Variants in AGPS observed in about 807,000 individuals in gnomAD.
AGPS encodes the protein alkyldihydroxyacetonephosphate synthase, peroxisomal.
AGPS carries 26 observed loss-of-function variants against 90.7 expected under a neutral mutation model. The observed-to-expected ratio is 0.29, with a 90% confidence interval of 0.21 to 0.40. The LOEUF (loss-of-function observed/expected upper bound fraction) is 0.40, where lower values mean the gene tolerates loss of function less well. Among genes scored for constraint, AGPS ranks in the 10% least tolerant of loss-of-function variants. AGPS has a pLI of 1.00. For synonymous variants in AGPS, 294 were observed against 285.3 expected (o/e 1.03, Z -0.31); for missense variants, 540 against 816.1 (o/e 0.66, Z 4.12).
intron 9 of AGPS, among the ~76,000 whole-genome samples, chr2:177,466,848 G>C (rs1480600577): frequency 2.0e-5 from 3 of 152,166 alleles, no homozygotes; most frequent in Non-Finnish European, 2.9e-5. Flanking sequence ...GAGATGCCTG[G>C]GTCTGCAGCC....
chr2:177,448,327 C>A (rs1198005206), intron 8 of AGPS, among the ~76,000 whole-genome samples: 6 of 152,074 alleles, frequency 3.9e-5, no homozygotes, highest in Admixed American at 3.9e-4. Context: ...TTGATTCATT[C>A]CACTAATTTT....
At chr2:177,399,025 T>C (rs748203035) in intron 1 of AGPS, among the ~76,000 whole-genome samples, 3 of 152,232 alleles carry the variant, frequency 2.0e-5, no homozygotes, top group Non-Finnish European at 4.4e-5. Context: ...TAGATTGCAT[T>C]TTAAGATGGA....
Position 177,415,509 on chromosome 2 carries a change from T to G in AGPS, c.261-4760T>G, listed in dbSNP as rs558278394. Among the ~76,000 whole-genome samples the G allele has an allele frequency of 1.6e-4, 25 of 152,346 alleles. No homozygotes were observed. In the South Asian group the frequency reaches 5.2e-3, roughly 32 times the overall value. ...AAGAATTATCACATTGATTAATAAC[T>G]TATTATATCACAGGGTCACATTTTT... On this transcript the variant is annotated intron_variant, in intron 1 of 19. Transcript: ENST00000264167.
chr2:177,479,068 A>G (rs780278611), intron 10 of AGPS, among the ~76,000 whole-genome samples: 2 of 152,126 alleles, frequency 1.3e-5, no homozygotes, highest in Non-Finnish European at 2.9e-5. Flanking sequence ...GAATCTCTGA[A>G]CCACGGCTCA....
At chr2:177,393,121 C>G (rs1455778433) in intron 1 of AGPS, 72 bp downstream of exon 1, 3 of 1,549,550 alleles carry the variant, frequency 1.9e-6, no homozygotes, top group Non-Finnish European at 2.6e-6. Flanking sequence ...AGGGCACAGG[C>G]GAGGTGGGAA....
chr2:177,412,411 A>G (rs1176350750), intron 1 of AGPS, among the ~76,000 whole-genome samples: 1 of 152,152 alleles, frequency 6.6e-6, no homozygotes, highest in African/African-American at 2.4e-5. Context: ...AGGAAAATTG[A>G]AAGCGCAAGC....
chr2:177,409,726 A>G (rs1404115199), intron 1 of AGPS, among the ~76,000 whole-genome samples: 3 of 152,146 alleles, frequency 2.0e-5, no homozygotes, highest in African/African-American at 7.2e-5. Flanking sequence ...ACATTGGAGC[A>G]TGGGCTAGTA....
chr2:177,412,368 G>A (rs1685645910), intron 1 of AGPS, among the ~76,000 whole-genome samples: 1 of 152,162 alleles, frequency 6.6e-6, no homozygotes, highest in African/African-American at 2.4e-5. Flanking sequence ...CGGGACGACA[G>A]CTTTCTGCCT....
chr2:177,431,547 A>G (rs968866065), intron 2 of AGPS, among the ~76,000 whole-genome samples: 1 of 152,166 alleles, frequency 6.6e-6, no homozygotes, highest in Non-Finnish European at 1.5e-5. Flanking sequence ...CCTTATCTCA[A>G]CTGCATGAGA....
At chr2:177,475,219 T>C (rs1373140600) in intron 10 of AGPS, among the ~76,000 whole-genome samples, 1 of 151,878 alleles carries the variant, frequency 6.6e-6, no homozygotes, top group Non-Finnish European at 1.5e-5. Flanking sequence ...TTGAAAAGAG[T>C]GGAAAGAATG....
chr2:177,493,211 G>A lies in AGPS; in HGVS notation c.1285+12G>A. 6.2e-7 allele frequency: 1 copy of A among 1,605,532 alleles called. No individual in the cohort carries two copies. The highest frequency in any genetic ancestry group is 8.5e-7 in the Non-Finnish European group (1 of 1,172,400). On this transcript the variant is annotated intron_variant, in intron 12 of 19. Coordinates refer to ENST00000264167, the MANE Select transcript of AGPS (RefSeq NM_003659.4). Reference sequence around the variant, plus strand: ...GCAGTTTCAGTTTGGTAAGTAAGGAGTGGTAATTTTAAAATGTCATTTAGC... The same window carrying A: ...GCAGTTTCAGTTTGGTAAGTAAGGAATGGTAATTTTAAAATGTCATTTAGC...
intron 8 of AGPS, among the ~76,000 whole-genome samples, chr2:177,451,682 G>T (rs964625466): frequency 6.6e-6 from 1 of 152,102 alleles, no homozygotes; most frequent in Admixed American, 6.5e-5. Context: ...AGTTGAAGAA[G>T]TCCCTTTCTT....
Position 177,481,412 on chromosome 2 carries a change from G to A in AGPS, c.1106-647G>A, listed in dbSNP as rs544104684. On this transcript the variant is annotated intron_variant, in intron 10 of 19. Coordinates refer to ENST00000264167, the MANE Select transcript of AGPS (RefSeq NM_003659.4). ...TTTGTTTTTTTGTTTTTTAATTTGT[G>A]TGTGTGTTTTTATTTTTTCTTTTTA... 8.0e-5 allele frequency among the ~76,000 whole-genome samples: 12 copies of A among 150,364 alleles called. No individual in the cohort carries two copies. In the South Asian group the frequency reaches 2.3e-3, roughly 29 times the overall value.
intron 12 of AGPS, among the ~76,000 whole-genome samples, chr2:177,494,909 G>C (rs1379844748): frequency 6.6e-6 from 1 of 152,062 alleles, no homozygotes; most frequent in Non-Finnish European, 1.5e-5. Context: ...AGCAAAAGAG[G>C]AAATAATGCT....
At chr2:177,408,712 G>T (rs1448197617) in intron 1 of AGPS, among the ~76,000 whole-genome samples, 2 of 151,992 alleles carry the variant, frequency 1.3e-5, no homozygotes, top group South Asian at 2.1e-4. Flanking sequence ...TTTCCTTTCC[G>T]TTTCTCTCTC....
intron 14 of AGPS, among the ~76,000 whole-genome samples, 158 bp downstream of exon 14, chr2:177,499,888 T>C (rs1243717133): frequency 6.6e-6 from 1 of 151,956 alleles, no homozygotes; most frequent in Non-Finnish European, 1.5e-5. Flanking sequence ...TTGTGGTAAT[T>C]TATGATAGTA....
chr2:177,499,053 G>C (rs530453900), intron 13 of AGPS, among the ~76,000 whole-genome samples: 68 of 151,826 alleles, frequency 4.5e-4, no homozygotes, highest in South Asian at 3.3e-3. Flanking sequence ...ATATTGACTG[G>C]TTTATAATAC....
At chr2:177,503,868 T>C (rs1688633190) in intron 14 of AGPS, among the ~76,000 whole-genome samples, 3 of 152,196 alleles carry the variant, frequency 2.0e-5, no homozygotes. Flanking sequence ...TGCATGTTTC[T>C]CTGTGGTTTG....
intron 10 of AGPS, among the ~76,000 whole-genome samples, chr2:177,480,176 A>G (rs1196808227): frequency 6.6e-6 from 1 of 152,086 alleles, no homozygotes; most frequent in African/African-American, 2.4e-5. Context: ...GCGAAACTCC[A>G]TCTCAAAAAT....
Sources: allele counts gnomAD v4.1 joint callset (sites outside exome capture counted in the v4.1 genomes callset), GRCh38; gene constraint gnomAD v4.1.1; transcripts MANE v1.5; gene names NCBI Gene and HGNC (gene_info 2026-07-23, HGNC 2026-07-21).